GRM5: variants seen among roughly 807,000 people sequenced by gnomAD.
GRM5 encodes the protein glutamate metabotropic receptor 5.
GRM5 carries 19 observed loss-of-function variants against 83.1 expected under a neutral mutation model. The observed-to-expected ratio is 0.23, with a 90% CI of 0.16 to 0.34. The LOEUF is 0.34. Ranked by LOEUF, GRM5 falls within the 10% of genes least tolerant of loss-of-function variation. GRM5 has a pLI of 1.00. For missense variants in GRM5, 1,160 were observed against 1,588.3 expected, an observed-to-expected ratio of 0.73 and a Z score of 4.58; for synonymous variants, 675 against 633.6, an observed-to-expected ratio of 1.07 and a Z score of -0.98.
chr11:88,715,052 C>T (rs1300953286), intron 3 of GRM5, among the ~76,000 whole-genome samples: 1 of 151,982 alleles, frequency 6.6e-6, no homozygotes, highest in Non-Finnish European at 1.5e-5. Flanking sequence ...TATTGAACGA[C>T]TGCAAATATA....
intron 1 of GRM5, among the ~76,000 whole-genome samples, chr11:89,056,662 T>C (rs925532659): frequency 6.6e-6 from 1 of 152,168 alleles, no homozygotes; most frequent in African/African-American, 2.4e-5. Flanking sequence ...GTTTATCCTG[T>C]AGATAATGGG....
intron 3 of GRM5, among the ~76,000 whole-genome samples, chr11:88,799,524 T>C (rs1424510994): frequency 6.6e-6 from 1 of 152,096 alleles, no homozygotes; most frequent in East Asian, 1.9e-4. Context: ...ATGAGTGCAG[T>C]GGAGTTATAT....
chr11:89,010,488 C>T lies in GRM5; in HGVS notation c.661+36724G>A, dbSNP rs549798749. Among the ~76,000 whole-genome samples the T allele has an allele frequency of 9.2e-5, 14 of 152,228 alleles. No homozygotes were observed. In the East Asian group the frequency reaches 2.5e-3, roughly 27 times the overall value. On this transcript the variant is annotated intron_variant, in intron 2 of 9. Coordinates refer to ENST00000305447, the MANE Select transcript of GRM5 (RefSeq NM_001143831.3). ...AAGGATCACAGAATTATGAAGGTAT[C>T]ATGTGGCCACCTAGATTAGGGTCCT... is the stretch of plus-strand genomic sequence containing the variant.
chr11:88,546,870 G>A (rs1398573677), intron 8 of GRM5, among the ~76,000 whole-genome samples: 1 of 152,118 alleles, frequency 6.6e-6, no homozygotes, highest in East Asian at 1.9e-4. Context: ...AATTGAAAAG[G>A]TAAGAAGAGC....
chr11:88,589,623 G>T (rs1257181802), intron 7 of GRM5, among the ~76,000 whole-genome samples: 2 of 152,222 alleles, frequency 1.3e-5, no homozygotes, highest in South Asian at 2.1e-4. Flanking sequence ...GAAGTTTTGT[G>T]CTAAATCCAT....
chr11:88,861,696 G>T (rs1405160290), intron 2 of GRM5, among the ~76,000 whole-genome samples: 2 of 151,728 alleles, frequency 1.3e-5, no homozygotes, highest in African/African-American at 4.8e-5. Context: ...TGAACTCCTG[G>T]GCTCAAGCAA....
At chr11:88,974,766 C>T (rs754193951) in intron 2 of GRM5, among the ~76,000 whole-genome samples, 1 of 152,122 alleles carries the variant, frequency 6.6e-6, no homozygotes, top group African/African-American at 2.4e-5. Context: ...TTACAAAAAT[C>T]TCTTATCTCT....
intron 2 of GRM5, among the ~76,000 whole-genome samples, chr11:88,906,732 C>T (rs1168924813): frequency 2.0e-5 from 3 of 152,052 alleles, no homozygotes; most frequent in Admixed American, 1.3e-4. Flanking sequence ...AGCTATGTAA[C>T]CTTGTGCAAG....
At chr11:88,767,112 A>G (rs1565221064) in intron 3 of GRM5, among the ~76,000 whole-genome samples, 2 of 151,866 alleles carry the variant, frequency 1.3e-5, no homozygotes, top group Non-Finnish European at 2.9e-5. Context: ...GCCTCCCAGT[A>G]TGCTGGGATT....
chr11:88,814,580 A>G (rs1943638660), intron 3 of GRM5, among the ~76,000 whole-genome samples: 1 of 152,206 alleles, frequency 6.6e-6, no homozygotes, highest in Admixed American at 6.5e-5. Flanking sequence ...CTATATATAT[A>G]CTAAACACAG....
At chr11:88,609,948 T>C (rs1938268545) in intron 4 of GRM5, among the ~76,000 whole-genome samples, 1 of 152,230 alleles carries the variant, frequency 6.6e-6, no homozygotes, top group South Asian at 2.1e-4. Context: ...ATCTTCTGCA[T>C]ACAGCTAGCC....
chr11:88,647,130 C>G lies in GRM5; in HGVS notation c.1147+6038G>C, dbSNP rs1939481270. Among the ~76,000 whole-genome samples, 4 of 152,024 alleles carry G rather than the reference C, an allele frequency of 2.6e-5. 1 individual carries two copies. In the South Asian group the frequency reaches 8.3e-4, roughly 32 times the overall value. ...ATCCCATGGTGTCCTCCTTGTCTCC[C>G]TTTCTGTCTGTATGTCTCTTCCCCT... On this transcript the variant is annotated intron_variant, in intron 4 of 9. Transcript: ENST00000305447.
intron 2 of GRM5, among the ~76,000 whole-genome samples, chr11:89,009,770 G>A (rs1265552649): frequency 4.0e-5 from 6 of 150,420 alleles, no homozygotes; most frequent in South Asian, 2.1e-4. Flanking sequence ...GCGTGGTAGC[G>A]GGCGCCTGTA....
intron 3 of GRM5, among the ~76,000 whole-genome samples, chr11:88,829,783 AT>A (rs1359575720): frequency 6.6e-6 from 1 of 152,136 alleles, no homozygotes; most frequent in Non-Finnish European, 1.5e-5. Flanking sequence ...TTTCAGAGAA[AT>A]TTTTTGGATC....
chr11:89,018,158 T>C (rs1297533130), intron 2 of GRM5, among the ~76,000 whole-genome samples: 1 of 152,168 alleles, frequency 6.6e-6, no homozygotes, highest in Non-Finnish European at 1.5e-5. Flanking sequence ...ATTGTTGTCA[T>C]TGCCATTACA....
At chr11:88,666,578 G>T (rs541144050) in intron 3 of GRM5, among the ~76,000 whole-genome samples, 52 of 152,250 alleles carry the variant, frequency 3.4e-4, no homozygotes, top group African/African-American at 1.3e-3. Context: ...ATCACAGGGG[G>T]GATCAAATTC....
chr11:88,859,841 G>T (rs1255588915), intron 2 of GRM5, among the ~76,000 whole-genome samples: 4 of 152,120 alleles, frequency 2.6e-5, no homozygotes, highest in African/African-American at 9.6e-5. Flanking sequence ...ATTTCCAAAA[G>T]ATTACAGATG....
At chr11:88,720,162 G>A (rs980027204) in intron 3 of GRM5, among the ~76,000 whole-genome samples, 43 of 152,100 alleles carry the variant, frequency 2.8e-4, no homozygotes, top group African/African-American at 1.0e-3. Context: ...TCCATGTCAC[G>A]TACAAAATCA....
intron 8 of GRM5, among the ~76,000 whole-genome samples, chr11:88,534,168 A>C (rs1192889196): frequency 1.3e-5 from 2 of 152,200 alleles, no homozygotes; most frequent in Non-Finnish European, 2.9e-5. Context: ...GTGGGGTTGG[A>C]GTCCTCACAC....
Sources: allele counts gnomAD v4.1 joint callset (sites outside exome capture counted in the v4.1 genomes callset), GRCh38; gene constraint gnomAD v4.1.1; transcripts MANE v1.5; gene names NCBI Gene and HGNC (gene_info 2026-07-23, HGNC 2026-07-21).